AHCYL2: variants seen among roughly 807,000 people sequenced by gnomAD.
AHCYL2 encodes S-adenosylhomocysteine hydrolase-like protein 2.
AHCYL2 carries 28 observed loss-of-function variants against 81.4 expected under a neutral mutation model. The ratio of observed to expected loss-of-function variants is 0.34; its 90% CI spans 0.25 to 0.47. AHCYL2 has a LOEUF of 0.47. AHCYL2 is among the 20% of genes least tolerant of loss of function. The pLI is 1.00. For synonymous variants in AHCYL2, 272 were observed against 290.2 expected (o/e 0.94, Z 0.64); for missense variants, 551 against 785.1 (o/e 0.70, Z 3.56).
chr7:129,229,876 TAA>T (rs1191970378), intron 1 of AHCYL2, among the ~76,000 whole-genome samples: 2 of 152,210 alleles, frequency 1.3e-5, no homozygotes, highest in Non-Finnish European at 2.9e-5. Flanking sequence ...ATCCATATTT[TAA>T]AAGTTATAAA....
intron 12 of AHCYL2, among the ~76,000 whole-genome samples, chr7:129,416,535 C>T (rs1796858340): frequency 6.6e-6 from 1 of 152,108 alleles, no homozygotes; most frequent in Non-Finnish European, 1.5e-5. Context: ...CAGTGGCTCA[C>T]GCCTGTAATC....
At chr7:129,410,366 A>G in intron 11 of AHCYL2, 1 of 1,614,152 alleles carries the variant, frequency 6.2e-7, no homozygotes, top group South Asian at 1.1e-5. Context: ...TTTCCGTCTC[A>G]GCATACTGAA....
At chr7:129,275,412 A>G (rs1796166082) in intron 1 of AHCYL2, among the ~76,000 whole-genome samples, 5 of 152,194 alleles carry the variant, frequency 3.3e-5, no homozygotes, top group Non-Finnish European at 7.3e-5. Flanking sequence ...CAAAAAATAA[A>G]AAAATAAAAA....
rs760494589 is a variant in AHCYL2 at position 129,255,669 on chromosome 7, C to T, written c.363+30230C>T. Among the ~76,000 whole-genome samples the T allele has an allele frequency of 9.2e-5, 14 of 152,236 alleles. 1 individual carries two copies. The highest frequency in any genetic ancestry group is 3.4e-3 in the Middle Eastern group (1 of 294). On this transcript the variant is annotated intron_variant, in intron 1 of 16. Coordinates refer to ENST00000325006, the MANE Select transcript of AHCYL2 (RefSeq NM_015328.4). ...GATAGGCCTGGGTTGATGAACTCAA[C>T]GGAAGTTGATGTGAATAAAAATGAA...
At chr7:129,231,842 G>C (rs73477662) in intron 1 of AHCYL2, among the ~76,000 whole-genome samples, 2,131 of 152,174 alleles carry the variant, frequency 0.014, 45 homozygotes, top group African/African-American at 0.048. Context: ...TATTTGTATG[G>C]GTTTCAGTCT....
chr7:129,381,908 C>T (rs1794972981), intron 2 of AHCYL2, among the ~76,000 whole-genome samples: 1 of 152,146 alleles, frequency 6.6e-6, no homozygotes, highest in Non-Finnish European at 1.5e-5. Context: ...ATGTTTGCTT[C>T]TTTAGCAGCT....
At position 129,249,047 on chromosome 7, in the gene AHCYL2, G is replaced by T. The variant is rs988869791; in HGVS notation, c.363+23608G>T. 2.0e-5 allele frequency among the ~76,000 whole-genome samples: 3 copies of T among 148,150 alleles called. No individual in the cohort carries two copies. The Admixed American group carries it at 2.0e-4, about 10-fold the overall frequency. On this transcript the variant is annotated intron_variant, in intron 1 of 16. Coordinates refer to ENST00000325006, the MANE Select transcript of AHCYL2 (RefSeq NM_015328.4). ...TAGTCTCACTTCCTCACCCAGGCTG[G>T]AGTGCAGTGGCGCGATCTTGGCTCA...
intron 1 of AHCYL2, among the ~76,000 whole-genome samples, chr7:129,267,230 G>GGTGGGT (rs1554472004): frequency 1.7e-5 from 1 of 59,160 alleles, no homozygotes; most frequent in Admixed American, 2.0e-4. Flanking sequence ...TCACTCAAGG[G>GGTGGGT]GTGTGTGTGT....
At chr7:129,273,301 T>C (rs1288973754) in intron 1 of AHCYL2, among the ~76,000 whole-genome samples, 1 of 150,398 alleles carries the variant, frequency 6.6e-6, no homozygotes, top group Non-Finnish European at 1.5e-5. Context: ...GTGATGCAAC[T>C]GTAAATCCCT....
Position 129,419,755 on chromosome 7 carries a change from A to G in AHCYL2, c.1462-3085A>G, listed in dbSNP as rs536683742. Reference sequence around the variant, plus strand: ...CCTGAAAAAAAAAAAACAAAAAAAAACCGGATATGCACTGTTCAGAATTAT... The same window carrying G: ...CCTGAAAAAAAAAAAACAAAAAAAAGCCGGATATGCACTGTTCAGAATTAT... On this transcript the variant is annotated intron_variant, in intron 12 of 16. Coordinates refer to ENST00000325006, the MANE Select transcript of AHCYL2 (RefSeq NM_015328.4). The surrounding 1 kb of genome is among the most constrained non-coding windows in gnomAD (Gnocchi z 4.7). Among the ~76,000 whole-genome samples, 1 of 152,114 alleles carries G rather than the reference A, an allele frequency of 6.6e-6. No homozygotes were observed. Among genetic ancestry groups the G allele is most frequent in the Non-Finnish European group, 1.5e-5 (1 of 68,012 alleles).
chr7:129,364,255 A>T (rs981738932), intron 1 of AHCYL2, among the ~76,000 whole-genome samples: 3 of 152,072 alleles, frequency 2.0e-5, no homozygotes, highest in Admixed American at 6.6e-5. Context: ...TAGAATATTA[A>T]TTTTTTTCTT....
At chr7:129,255,502 G>A (rs895671093) in intron 1 of AHCYL2, among the ~76,000 whole-genome samples, 1 of 152,198 alleles carries the variant, frequency 6.6e-6, no homozygotes, top group African/African-American at 2.4e-5. Context: ...CTATTGGACA[G>A]TGTGGGTCGA....
chr7:129,423,506 C>T (rs1287979136), intron 13 of AHCYL2, among the ~76,000 whole-genome samples: 1 of 152,190 alleles, frequency 6.6e-6, no homozygotes, highest in African/African-American at 2.4e-5. Flanking sequence ...GCTTCCATGT[C>T]AGTGTTTGAC....
At chr7:129,370,604 A>G (rs530278614) in intron 1 of AHCYL2, among the ~76,000 whole-genome samples, 1 of 152,322 alleles carries the variant, frequency 6.6e-6, no homozygotes, top group South Asian at 2.1e-4. Context: ...AGGCTGAGGC[A>G]GGAGAATAGC....
At chr7:129,324,901 C>T (rs1176034097) in intron 1 of AHCYL2, among the ~76,000 whole-genome samples, 1 of 152,164 alleles carries the variant, frequency 6.6e-6, no homozygotes, top group Non-Finnish European at 1.5e-5. Flanking sequence ...ACTTATCAGA[C>T]ACCTCCTTCA....
At chr7:129,402,183 A>G (rs779187794) in intron 6 of AHCYL2, among the ~76,000 whole-genome samples, 3 of 152,202 alleles carry the variant, frequency 2.0e-5, no homozygotes, top group Non-Finnish European at 4.4e-5. Flanking sequence ...AGAGAAACTC[A>G]GAAGAGCTTT....
intron 1 of AHCYL2, among the ~76,000 whole-genome samples, chr7:129,278,861 A>G (rs1274443675): frequency 1.4e-5 from 2 of 146,280 alleles, no homozygotes; most frequent in Non-Finnish European, 3.0e-5. Flanking sequence ...ACCTTTGTTG[A>G]AAATCAGTTG....
At chr7:129,230,763 A>T (rs1186078636) in intron 1 of AHCYL2, among the ~76,000 whole-genome samples, 1 of 149,444 alleles carries the variant, frequency 6.7e-6, no homozygotes, top group African/African-American at 2.5e-5. Context: ...AGTAGAGACG[A>T]GGTTTCACCA....
At chr7:129,278,928 C>CT (rs1475488489) in intron 1 of AHCYL2, among the ~76,000 whole-genome samples, 2 of 152,068 alleles carry the variant, frequency 1.3e-5, no homozygotes, top group Non-Finnish European at 2.9e-5. Context: ...ATCTGTTTGT[C>CT]TAACTTGACA....
Sources: allele counts gnomAD v4.1 joint callset (sites outside exome capture counted in the v4.1 genomes callset), GRCh38; gene constraint gnomAD v4.1.1; non-coding constraint Gnocchi (gnomAD v3.1); transcripts MANE v1.5; gene names NCBI Gene and HGNC (gene_info 2026-07-23, HGNC 2026-07-21).